Variants in SLC36A1 observed in about 807,000 individuals in gnomAD.
The protein encoded by SLC36A1 is proton-coupled amino acid transporter 1.
Under a neutral mutation model 47.5 loss-of-function variants are expected in SLC36A1, and 30 were observed. That is an observed-to-expected ratio of 0.63 (90% confidence interval 0.47 to 0.86). SLC36A1 has a LOEUF of 0.86. Among genes scored for constraint, SLC36A1 ranks in the 40% least tolerant of loss-of-function variants. SLC36A1 has a pLI of 0.00. For missense variants in SLC36A1, 517 were observed against 606.0 expected (o/e 0.85, Z 1.54); for synonymous variants, 255 against 249.7 (o/e 1.02, Z -0.20).
the SLC36A1 span, chr5:151,546,236 T>G: frequency 6.2e-7 from 1 of 1,614,200 alleles, no homozygotes; most frequent in Non-Finnish European, 8.5e-7. Context: ...TCTTCTGCCT[T>G]CACTGTCAGA....
At chr5:151,542,593 T>C in the SLC36A1 span, 3 of 1,614,084 alleles carry the variant, frequency 1.9e-6, no homozygotes, top group African/African-American at 2.7e-5. Context: ...AAAGAGCTCA[T>C]GGACATTGCT....
At chr5:151,399,084 A>ATATATTTTTTTTTTT in the SLC36A1 span, among the ~76,000 whole-genome samples, 2 of 60,068 alleles carry the variant, frequency 3.3e-5, no homozygotes, top group African/African-American at 5.6e-5. Context: ...ATATATATAT[A>ATATATTTTTTTTTTT]TTTTTTTTTT....
the SLC36A1 span, among the ~76,000 whole-genome samples, chr5:151,371,221 TAG>T: frequency 6.6e-6 from 1 of 152,170 alleles, no homozygotes; most frequent in Non-Finnish European, 1.5e-5. Flanking sequence ...TAAATTCAGC[TAG>T]AGACCTTGCA....
chr5:151,380,626 G>T, the SLC36A1 span: 1 of 552,098 alleles, frequency 1.8e-6, no homozygotes, highest in Non-Finnish European at 3.7e-6. Context: ...TCAGTTTGTA[G>T]ATGCAGTAGT....
At chr5:151,432,687 A>C (rs1759432581), upstream of SLC36A1, among the ~76,000 whole-genome samples, 1 of 152,208 alleles carries the variant, frequency 6.6e-6, no homozygotes, top group Admixed American at 6.5e-5. Flanking sequence ...TGAACTCTTT[A>C]AATGCAATTT....
At chr5:151,502,795 T>TTA in the SLC36A1 span, among the ~76,000 whole-genome samples, 1 of 148,244 alleles carries the variant, frequency 6.7e-6, no homozygotes, top group African/African-American at 2.7e-5. Context: ...ACACAGATGT[T>TTA]TATAGCAGTT....
At chr5:151,387,618 T>C in the SLC36A1 span, among the ~76,000 whole-genome samples, 4 of 152,142 alleles carry the variant, frequency 2.6e-5, no homozygotes, top group East Asian at 7.7e-4. Context: ...TATTTATTTA[T>C]TGAGACAGGA....
chr5:151,529,069 T>C, the SLC36A1 span: 2 of 904,918 alleles, frequency 2.2e-6, no homozygotes, highest in Non-Finnish European at 3.5e-6. Flanking sequence ...GTCTACAGTG[T>C]ATTAACTTAA....
the SLC36A1 span, chr5:151,546,449 CATATAGTGTATACCCACCCTGG>C: frequency 1.4e-6 from 1 of 706,286 alleles, no homozygotes; most frequent in Non-Finnish European, 2.3e-6. Context: ...GCAAAATCTG[CATATAGTGTATACCCACCCTGG>C]ATATAGTGTA....
At chr5:151,554,454 C>G in the SLC36A1 span, 2 of 1,614,218 alleles carry the variant, frequency 1.2e-6, no homozygotes, top group Non-Finnish European at 1.7e-6. Flanking sequence ...TCATCGCTGT[C>G]CTCGATACTG....
the SLC36A1 span, among the ~76,000 whole-genome samples, chr5:151,405,815 G>T: frequency 6.6e-6 from 1 of 152,072 alleles, no homozygotes; most frequent in Non-Finnish European, 1.5e-5. Context: ...TCATTTCTGG[G>T]TGCTTTTAGA....
the SLC36A1 span, among the ~76,000 whole-genome samples, chr5:151,507,842 G>T: frequency 2.0e-5 from 3 of 152,174 alleles, no homozygotes; most frequent in Admixed American, 2.0e-4. Context: ...ATCTGGGAAT[G>T]TCTATTATTT....
At chr5:151,534,317 A>T in the SLC36A1 span, 1 of 973,622 alleles carries the variant, frequency 1.0e-6, no homozygotes, top group Non-Finnish European at 1.5e-6. Context: ...CACCGCCCTT[A>T]CCAGTCCTAG....
intron 6 of SLC36A1, among the ~76,000 whole-genome samples, chr5:151,467,500 C>G (rs35474478): frequency 9.3e-4 from 142 of 152,244 alleles, no homozygotes; most frequent in Admixed American, 1.6e-3. Flanking sequence ...ACCCTCCTGT[C>G]CTAGGTACAT....
chr5:151,545,471 G>A, the SLC36A1 span: 2 of 1,614,184 alleles, frequency 1.2e-6, no homozygotes, highest in Non-Finnish European at 1.7e-6. Context: ...ATGCCTGGAT[G>A]GATAGGCCCG....
chr5:151,524,609 C>CT, the SLC36A1 span, among the ~76,000 whole-genome samples: 3 of 152,226 alleles, frequency 2.0e-5, no homozygotes, highest in East Asian at 1.9e-4. Context: ...CCCAAATGGA[C>CT]TAAGTCAGTG....
the SLC36A1 span, among the ~76,000 whole-genome samples, chr5:151,374,568 TCTTTTCTTCTGGGTAGATAG>T: frequency 6.6e-6 from 1 of 152,246 alleles, no homozygotes; most frequent in Non-Finnish European, 1.5e-5. Flanking sequence ...TAAAATAATT[TCTTTTCTTCTGGGTAGATAG>T]CCAGTAGTGG....
At chr5:151,397,789 G>C in the SLC36A1 span, among the ~76,000 whole-genome samples, 1 of 85,142 alleles carries the variant, frequency 1.2e-5, no homozygotes, top group Non-Finnish European at 2.4e-5. Flanking sequence ...AAAAAAAAAA[G>C]TCAAATTATC....
the SLC36A1 span, among the ~76,000 whole-genome samples, chr5:151,354,147 T>C: frequency 6.6e-6 from 1 of 152,074 alleles, no homozygotes; most frequent in Non-Finnish European, 1.5e-5. Context: ...CTACTCAATA[T>C]ACAAAAATTA....
Sources: allele counts gnomAD v4.1 joint callset (sites outside exome capture counted in the v4.1 genomes callset), GRCh38; gene constraint gnomAD v4.1.1; transcripts MANE v1.5; gene names NCBI Gene and HGNC (gene_info 2026-07-23, HGNC 2026-07-21).